Variants in MAP3K13 observed in about 807,000 individuals in gnomAD.
The protein encoded by MAP3K13 is mitogen-activated protein kinase kinase kinase 13.
Under a neutral mutation model 104.0 loss-of-function variants are expected in MAP3K13, and 52 were observed. That is an observed-to-expected ratio of 0.50 (90% CI 0.40 to 0.63). MAP3K13 has a LOEUF of 0.63. MAP3K13 is among the 20% of genes least tolerant of loss of function. The pLI is 0.00. For missense variants in MAP3K13, 914 were observed against 1,218.5 expected, an observed-to-expected ratio of 0.75 and a Z score of 3.72; for synonymous variants, 394 against 442.2, an observed-to-expected ratio of 0.89 and a Z score of 1.37.
Position 185,418,345 on chromosome 3 carries a change from T to A in MAP3K13, c.-85-10152T>A. ...TACCAAAGGAAGTTCAGGAACTTCC[T>A]CAATACGATGACCTTTAGACATGAC... On this transcript the variant is annotated intron_variant, in intron 1 of 13. Coordinates refer to ENST00000265026, the MANE Select transcript of MAP3K13 (RefSeq NM_004721.5). This position sits in a 1 kb window ranked among gnomAD's most constrained non-coding sequence, Gnocchi z 4.5. The A allele has an allele frequency of 6.3e-7, 1 of 1,591,296 alleles. No individual in the cohort carries two copies. Among genetic ancestry groups the A allele is most frequent in the African/African-American group, 1.3e-5 (1 of 74,562 alleles).
At chr3:185,476,045 G>A (rs1361205635) in intron 11 of MAP3K13, among the ~76,000 whole-genome samples, 1 of 152,114 alleles carries the variant, frequency 6.6e-6, no homozygotes, top group South Asian at 2.1e-4. Context: ...ACAGAGCTGT[G>A]TAACTATCAC....
intron 3 of MAP3K13, among the ~76,000 whole-genome samples, chr3:185,441,173 C>A (rs1715298616): frequency 6.6e-6 from 1 of 152,044 alleles, no homozygotes; most frequent in Non-Finnish European, 1.5e-5. Context: ...CTGAGCCTTC[C>A]TTGTAAAAAT....
intron 1 of MAP3K13, among the ~76,000 whole-genome samples, chr3:185,401,776 T>C (rs1712829156): frequency 6.6e-6 from 1 of 152,190 alleles, no homozygotes; most frequent in African/African-American, 2.4e-5. Context: ...TCAGGCTTAT[T>C]TTTCTTGGCA....
intron 1 of MAP3K13, among the ~76,000 whole-genome samples, chr3:185,385,233 C>T (rs1460127347): frequency 6.6e-6 from 1 of 152,180 alleles, no homozygotes; most frequent in Non-Finnish European, 1.5e-5. Context: ...TCACTGCAAC[C>T]TCTGCCTCCC....
intron 2 of MAP3K13, among the ~76,000 whole-genome samples, chr3:185,330,466 C>T (rs1183491266): frequency 6.6e-6 from 1 of 152,150 alleles, no homozygotes; most frequent in African/African-American, 2.4e-5. Context: ...CTCTAGCTTT[C>T]TGAATCTCGT....
intron 4 of MAP3K13, among the ~76,000 whole-genome samples, chr3:185,444,842 G>A (rs759085499): frequency 7.9e-5 from 12 of 151,916 alleles, no homozygotes; most frequent in Non-Finnish European, 1.5e-4. Flanking sequence ...AATTAGCCAG[G>A]CATGGTAGTA....
At chr3:185,324,991 C>T (rs1721998319) in intron 2 of MAP3K13, among the ~76,000 whole-genome samples, 1 of 152,094 alleles carries the variant, frequency 6.6e-6, no homozygotes, top group Non-Finnish European at 1.5e-5. Flanking sequence ...CATGTGCACC[C>T]AAAGAATATT....
rs185489633 is a variant in MAP3K13 at position 185,438,872 on chromosome 3, A to C, written c.659+1242A>C. Reference sequence around the variant, plus strand: ...AGTTTAGAAACTGGAGCTTTGTGATATATTTGATATGTATTTTGCATTCCT... The same window carrying C: ...AGTTTAGAAACTGGAGCTTTGTGATCTATTTGATATGTATTTTGCATTCCT... On this transcript the variant is annotated intron_variant, in intron 3 of 13. Coordinates refer to ENST00000265026, the MANE Select transcript of MAP3K13 (RefSeq NM_004721.5). 5.3e-5 allele frequency among the ~76,000 whole-genome samples: 8 copies of C among 152,328 alleles called. No homozygotes were observed. The East Asian group carries it at 1.5e-3, about 29-fold the overall frequency.
In MAP3K13 at chr3:185,483,104, T is replaced by C. The variant is rs895073968; in HGVS notation, c.*648T>C. 8.6e-6 allele frequency: 2 copies of C among 232,934 alleles called. No homozygotes were observed. Among genetic ancestry groups the C allele is most frequent in the African/African-American group, 4.4e-5 (2 of 45,342 alleles). 14.4% of individuals were successfully genotyped at this position (232,934 alleles called of 1,614,324 possible). On this transcript the variant is annotated 3_prime_UTR_variant, in exon 14 of 14. Coordinates refer to ENST00000265026, the MANE Select transcript of MAP3K13 (RefSeq NM_004721.5). ...GACCTAGAAAAGTCTGGTGACCAGA[T>C]ACTTGCACCCAATGTCTTCAAGGGC...
intron 1 of MAP3K13, among the ~76,000 whole-genome samples, chr3:185,367,583 C>T (rs543961562): frequency 6.6e-6 from 1 of 152,070 alleles, no homozygotes; most frequent in South Asian, 2.1e-4. Context: ...TTATTAAGCA[C>T]TTTCTACGTG....
In MAP3K13 at chr3:185,428,765, A is replaced by G. The variant is rs557553264; in HGVS notation, c.184A>G (p.Ser62Gly). 6.2e-7 allele frequency: 1 copy of G among 1,614,224 alleles called. No homozygotes were observed. Among genetic ancestry groups the G allele is most frequent in the Non-Finnish European group, 8.5e-7 (1 of 1,180,042 alleles). The change falls in exon 2 of 14, where the codon AGC becomes GGC. Residue 62 changes from serine (S) to glycine (G), a missense_variant. Physicochemically the swap from Ser to Gly is moderately conservative, Grantham distance 56 (BLOSUM62 0). This residue lies in a region of MAP3K13 where 156 missense variants were observed against 159.8 expected (regional missense o/e 0.98). Transcript: ENST00000265026. ...VRTELIESVH[S>G]PVTTTVLTSV... ...AACAGAGCTAATCGAGAGCGTGCACAGCCCCGTCACCACAACAGTGTTGAC... is the reference window on the plus strand; with the variant it reads ...AACAGAGCTAATCGAGAGCGTGCACGGCCCCGTCACCACAACAGTGTTGAC...
chr3:185,455,659 T>TATATATGAGATATATCTC (rs1560120219), intron 7 of MAP3K13, among the ~76,000 whole-genome samples: 1 of 21,628 alleles, frequency 4.6e-5, no homozygotes, highest in African/African-American at 1.1e-4. Context: ...ATATATATGA[T>TATATATGAGATATATCTC]ATATATATGA....
upstream of MAP3K13, among the ~76,000 whole-genome samples, chr3:185,359,960 A>T (rs1174702741): frequency 6.6e-6 from 1 of 152,020 alleles, no homozygotes; most frequent in Non-Finnish European, 1.5e-5. Flanking sequence ...AAACTCCAAA[A>T]CAAGAATAGC....
In MAP3K13 at chr3:185,315,992, A is replaced by G. The variant is rs1462811153; in HGVS notation, c.-86+30349A>G. On this transcript the variant is annotated intron_variant, in intron 2 of 14. Transcript: ENST00000424227. This position sits in a 1 kb window ranked among gnomAD's most constrained non-coding sequence, Gnocchi z 4.3. ...AAAGGCAATATATTTTTGCTTACTT[A>G]TAAAAATGAAATTGTATCTTAGAGG... 6.6e-6 allele frequency among the ~76,000 whole-genome samples: 1 copy of G among 152,210 alleles called. No homozygotes were observed. The highest frequency in any genetic ancestry group is 6.5e-5 in the Admixed American group (1 of 15,274).
chr3:185,455,738 GATATATATATGATAT>G (rs1560120670), intron 7 of MAP3K13, among the ~76,000 whole-genome samples: 4 of 12,602 alleles, frequency 3.2e-4, no homozygotes, highest in Non-Finnish European at 8.7e-4. Context: ...ATATATATGA[GATATATATATGATAT>G]ATATATGAGA....
chr3:185,440,418 A>G (rs988733931), intron 3 of MAP3K13, among the ~76,000 whole-genome samples: 3 of 152,196 alleles, frequency 2.0e-5, no homozygotes, highest in Admixed American at 6.5e-5. Flanking sequence ...ATGTTGATAT[A>G]CTTAAGCATA....
At chr3:185,352,173 G>T (rs1027814627) in intron 2 of MAP3K13, among the ~76,000 whole-genome samples, 2 of 152,128 alleles carry the variant, frequency 1.3e-5, no homozygotes, top group Non-Finnish European at 2.9e-5. Flanking sequence ...GGCCGGGCGC[G>T]GTGGCTCACT....
chr3:185,437,600 A>C lies in MAP3K13; in HGVS notation c.629A>C (p.Lys210Thr). 1 of 1,612,654 alleles carries C rather than the reference A, an allele frequency of 6.2e-7. No homozygotes were observed. Among genetic ancestry groups the C allele is most frequent in the Non-Finnish European group, 8.5e-7 (1 of 1,179,754 alleles). The stretch of plus-strand genomic sequence containing the variant: ...GAGACGGATATCAAGCATTTGAGGA[A>C]GTTGAAGCACCCTAACATCATCGCA... The part of the protein sequence containing the change: ...QNETDIKHLR[K>T]LKHPNIIAFK... Residue 210 changes from lysine (K) to threonine (T), a missense_variant, in exon 3 of 14, where the codon AAG becomes ACG. Coordinates refer to ENST00000265026, the MANE Select transcript of MAP3K13 (RefSeq NM_004721.5).
intron 1 of MAP3K13, chr3:185,283,214 C>A (rs900481715): frequency 1.0e-4 from 16 of 152,406 alleles, no homozygotes; most frequent in African/African-American, 3.9e-4. Flanking sequence ...CTCTTGGGAA[C>A]TTGGTCTTGG....
Sources: allele counts gnomAD v4.1 joint callset (sites outside exome capture counted in the v4.1 genomes callset), GRCh38; gene constraint gnomAD v4.1.1; regional missense constraint gnomAD v4.1.1; non-coding constraint Gnocchi (gnomAD v3.1); transcripts MANE v1.5; gene names NCBI Gene and HGNC (gene_info 2026-07-23, HGNC 2026-07-21).